Variants in MGAT5 observed in about 807,000 individuals in gnomAD.
MGAT5 encodes the protein alpha-1,6-mannosylglycoprotein 6-beta-N-acetylglucosaminyltransferase A.
In MGAT5, 30 loss-of-function variants were observed where a neutral mutation model predicts 94.3. The ratio of observed to expected loss-of-function variants is 0.32; its 90% CI spans 0.24 to 0.43. The LOEUF is 0.43. MGAT5 is among the 20% of genes least tolerant of loss of function. MGAT5 has a pLI of 1.00. For synonymous variants in MGAT5, 310 were observed against 322.9 expected (o/e 0.96, Z 0.43); for missense variants, 691 against 905.5 (o/e 0.76, Z 3.04).
chr2:134,137,739 CTA>C (rs1412617473), intron 1 of MGAT5, among the ~76,000 whole-genome samples: 1 of 150,894 alleles, frequency 6.6e-6, no homozygotes, highest in Non-Finnish European at 1.5e-5. Flanking sequence ...AGAATAGTCT[CTA>C]TTTTTTTTTT....
intron 1 of MGAT5, among the ~76,000 whole-genome samples, chr2:134,147,124 T>C (rs1339829910): frequency 1.3e-5 from 2 of 152,244 alleles, no homozygotes; most frequent in Non-Finnish European, 2.9e-5. Flanking sequence ...GAGAGTGATT[T>C]TGTACCATCA....
chr2:134,247,740 T>G (rs1166556333), intron 1 of MGAT5, among the ~76,000 whole-genome samples: 2 of 152,186 alleles, frequency 1.3e-5, no homozygotes, highest in African/African-American at 4.8e-5. Context: ...TCTAGAACTT[T>G]CTCCATGTTA....
At chr2:134,122,416 C>G (rs1474772190) in intron 1 of MGAT5, among the ~76,000 whole-genome samples, 3 of 152,198 alleles carry the variant, frequency 2.0e-5, no homozygotes, top group Non-Finnish European at 1.5e-5. Flanking sequence ...GCGCAAAGCT[C>G]TCCTTTCTAG....
intron 1 of MGAT5, among the ~76,000 whole-genome samples, chr2:134,192,997 C>G (rs991840384): frequency 6.6e-6 from 1 of 151,780 alleles, no homozygotes; most frequent in Non-Finnish European, 1.5e-5. Context: ...TGTGGTTTTC[C>G]AGTATTTAAT....
chr2:134,312,293 T>G (rs978789882), intron 2 of MGAT5, among the ~76,000 whole-genome samples: 2 of 152,122 alleles, frequency 1.3e-5, no homozygotes, highest in African/African-American at 4.8e-5. Context: ...CTCTCTTTTT[T>G]GAATACCAGT....
intron 4 of MGAT5, among the ~76,000 whole-genome samples, chr2:134,326,476 TA>T (rs1033389821): frequency 3.3e-5 from 5 of 152,184 alleles, no homozygotes; most frequent in African/African-American, 1.2e-4. Flanking sequence ...ATTCATCTCA[TA>T]CAGTTCCTGC....
chr2:134,172,888 T>C (rs1384401323), intron 1 of MGAT5, among the ~76,000 whole-genome samples: 1 of 152,224 alleles, frequency 6.6e-6, no homozygotes, highest in Non-Finnish European at 1.5e-5. Context: ...CTTGTTTCTT[T>C]TATGTATGTG....
chr2:134,279,403 A>T (rs1055383185), intron 2 of MGAT5, among the ~76,000 whole-genome samples: 4 of 152,204 alleles, frequency 2.6e-5, no homozygotes, highest in African/African-American at 9.7e-5. Context: ...AAGTAGGATT[A>T]AAAAAATTCA....
intron 1 of MGAT5, among the ~76,000 whole-genome samples, chr2:134,184,930 G>A (rs528069190): frequency 9.9e-5 from 15 of 152,200 alleles, no homozygotes; most frequent in African/African-American, 3.4e-4. Flanking sequence ...CAATAGTTTG[G>A]GGGAACAGGT....
chr2:134,352,405 G>T (rs1679441996), intron 9 of MGAT5, among the ~76,000 whole-genome samples: 1 of 152,150 alleles, frequency 6.6e-6, no homozygotes, highest in African/African-American at 2.4e-5. Flanking sequence ...TCTAGGAGGG[G>T]CATGTCTAGG....
intron 1 of MGAT5, among the ~76,000 whole-genome samples, chr2:134,237,123 A>ATGTGTGTGTGTG (rs68003122): frequency 0.019 from 2,713 of 140,668 alleles, 42 homozygotes; most frequent in African/African-American, 0.047. Context: ...GAAGGAGTAT[A>ATGTGTGTGTGTG]TGTGTGTGTG....
In MGAT5 at chr2:134,153,211, C is replaced by T. The variant is rs115630643; in HGVS notation, c.-143+32920C>T. 8.6e-3 allele frequency among the ~76,000 whole-genome samples: 1,307 copies of T among 152,284 alleles called. 13 individuals carry two copies. Among genetic ancestry groups the T allele is most frequent in the African/African-American group, 0.022 (914 of 41,560 alleles). ...TTGGGATTACTGGCGTGAGCCACCACGCCGGGCCAGAGTCCACATTTTTAA... is the reference window on the plus strand; with the variant it reads ...TTGGGATTACTGGCGTGAGCCACCATGCCGGGCCAGAGTCCACATTTTTAA... On this transcript the variant is annotated intron_variant, in intron 1 of 16. Transcript: ENST00000409645.
At chr2:134,380,519 C>T (rs1191619130) in intron 10 of MGAT5, among the ~76,000 whole-genome samples, 2 of 152,180 alleles carry the variant, frequency 1.3e-5, no homozygotes, top group Admixed American at 6.5e-5. Flanking sequence ...CCCCTTGCCA[C>T]CCAGCCTTGC....
chr2:134,135,771 C>T (rs1217912005), intron 1 of MGAT5, among the ~76,000 whole-genome samples: 3 of 151,322 alleles, frequency 2.0e-5, no homozygotes, highest in Non-Finnish European at 1.5e-5. Context: ...TCCCATAGTG[C>T]TCCTCCCCGA....
In MGAT5 at chr2:134,218,556, C is replaced by T. The variant is rs377620916; in HGVS notation, c.-142-35706C>T. Among the ~76,000 whole-genome samples, 3 of 152,232 alleles carry T rather than the reference C, an allele frequency of 2.0e-5. No homozygotes were observed. The East Asian group carries it at 5.8e-4, about 29-fold the overall frequency. ...GGCTGGATCTGGTCTAGGATGGGTT[C>T]CACGGGGCTCCCTTCCACATGGTCT... On this transcript the variant is annotated intron_variant, in intron 1 of 16. Transcript: ENST00000409645.
intron 10 of MGAT5, among the ~76,000 whole-genome samples, chr2:134,402,167 C>G (rs554541575): frequency 1.3e-5 from 2 of 152,278 alleles, no homozygotes; most frequent in East Asian, 3.9e-4. Flanking sequence ...CCACAAACCC[C>G]AGCTTGTACA....
At chr2:134,213,287 G>A (rs73009305) in intron 1 of MGAT5, among the ~76,000 whole-genome samples, 6,375 of 152,124 alleles carry the variant, frequency 0.042, 336 homozygotes, top group East Asian at 0.11. Context: ...CTTTGCAAAC[G>A]TATTAAACAC....
intron 1 of MGAT5, among the ~76,000 whole-genome samples, chr2:134,160,234 C>T (rs1034578499): frequency 6.6e-6 from 1 of 152,078 alleles, no homozygotes; most frequent in African/African-American, 2.4e-5. Context: ...AGTGCAGTGG[C>T]GCAATCTCGG....
chr2:134,379,674 AC>A (rs1191830776), intron 10 of MGAT5, among the ~76,000 whole-genome samples: 1 of 152,228 alleles, frequency 6.6e-6, no homozygotes, highest in East Asian at 1.9e-4. Context: ...CAGTGGTCTT[AC>A]ATTTGTATCC....
Sources: gnomAD v4.1 joint callset for allele counts (sites outside exome capture counted in the v4.1 genomes callset) on GRCh38, gnomAD v4.1.1 for gene constraint, MANE v1.5 for transcripts, NCBI Gene and HGNC (gene_info 2026-07-23, HGNC 2026-07-21) for gene names.